ACP3: variants seen among roughly 807,000 people sequenced by gnomAD.
ACP3 encodes acid phosphatase 3.
Under a neutral mutation model 45.6 loss-of-function variants are expected in ACP3, and 38 were observed. The observed-to-expected ratio is 0.83, with a 90% confidence interval of 0.64 to 1.09. ACP3 has a LOEUF of 1.09. Ranked by LOEUF, ACP3 falls within the 50% of genes least tolerant of loss-of-function variation. ACP3 has a pLI of 0.00. For missense variants in ACP3, 466 were observed against 463.2 expected (o/e 1.01, Z -0.05); for synonymous variants, 162 against 164.7 (o/e 0.98, Z 0.13).
Position 132,358,420 on chromosome 3 carries a change from C to T in ACP3, c.*1542C>T. 4.7e-6 allele frequency: 6 copies of T among 1,268,046 alleles called. No individual in the cohort carries two copies. Among genetic ancestry groups the T allele is most frequent in the Non-Finnish European group, 5.1e-6 (5 of 976,266 alleles). The allele number at this position is 1,268,046 out of a possible 1,614,324, so 78.5% of individuals were successfully genotyped here. On this transcript the variant is annotated 3_prime_UTR_variant, in exon 10 of 10. Coordinates refer to ENST00000336375, the MANE Select transcript of ACP3 (RefSeq NM_001099.5). ...GAAAACCTAAGCAAACTTACAGGTC[C>T]TGCTGAAACTGCCCACTCTGCAAGA...
chr3:132,327,457 C>T (rs1258116678), intron 1 of ACP3, among the ~76,000 whole-genome samples: 6 of 150,100 alleles, frequency 4.0e-5, no homozygotes, highest in South Asian at 2.1e-4. Context: ...GAGGCTACAG[C>T]GAGCCAAGAT....
At chr3:132,335,561 G>A (rs1051502307) in intron 4 of ACP3, among the ~76,000 whole-genome samples, 7 of 152,154 alleles carry the variant, frequency 4.6e-5, no homozygotes, top group Non-Finnish European at 1.0e-4. Context: ...ATATTTTATA[G>A]GAAATAGATG....
At chr3:132,328,966 A>C (rs1037892226) in intron 2 of ACP3, among the ~76,000 whole-genome samples, 3 of 152,230 alleles carry the variant, frequency 2.0e-5, no homozygotes, top group African/African-American at 7.2e-5. Flanking sequence ...TGATATCAGA[A>C]TATGATTTCT....
At chr3:132,365,565 C>T (rs1938118258) in intron 10 of ACP3, among the ~76,000 whole-genome samples, 1 of 152,204 alleles carries the variant, frequency 6.6e-6, no homozygotes, top group Non-Finnish European at 1.5e-5. Flanking sequence ...TGTGGATCCT[C>T]ATAAACTATC....
In ACP3 at chr3:132,332,250, C is replaced by A; in HGVS notation, c.362C>A (p.Ala121Glu). The change falls in exon 4 of 10, where the codon GCA becomes GAA. Residue 121 changes from alanine to glutamate, a missense_variant. Physicochemically the swap from Ala to Glu is moderately radical, Grantham distance 107 (BLOSUM62 -1). Coordinates refer to ENST00000336375, the MANE Select transcript of ACP3 (RefSeq NM_001099.5). ...TTGATGAGTGCTATGACAAACCTGG[C>A]AGCCCTGTTTCCCCCAGAAGGTGTC... Reference protein sequence around the residue: ...RTLMSAMTNLAALFPPEGVSI... With the variant: ...RTLMSAMTNLEALFPPEGVSI... 1.9e-6 allele frequency: 3 copies of A among 1,614,140 alleles called. No individual in the cohort carries two copies. Among genetic ancestry groups the A allele is most frequent in the Non-Finnish European group, 2.5e-6 (3 of 1,180,008 alleles).
At chr3:132,331,875 A>C in intron 3 of ACP3, 142 bp downstream of exon 3, 1 of 840,862 alleles carries the variant, frequency 1.2e-6, no homozygotes, top group Admixed American at 3.1e-5. Flanking sequence ...TCTTTATGCA[A>C]ATTTTTGTTC....
chr3:132,330,761 T>C (rs1485180886), intron 2 of ACP3, among the ~76,000 whole-genome samples: 1 of 152,144 alleles, frequency 6.6e-6, no homozygotes, highest in Non-Finnish European at 1.5e-5. Context: ...CCCAAAGCTC[T>C]AGTAAGGCTC....
At chr3:132,341,271 T>C (rs61793794) in intron 5 of ACP3, among the ~76,000 whole-genome samples, 9,990 of 152,250 alleles carry the variant, frequency 0.066, 512 homozygotes, top group African/African-American at 0.065. Flanking sequence ...AAAATAGACA[T>C]ATTTTTATGA....
intron 4 of ACP3, among the ~76,000 whole-genome samples, chr3:132,334,288 C>A (rs1240252257): frequency 6.6e-6 from 1 of 152,118 alleles, no homozygotes; most frequent in African/African-American, 2.4e-5. Context: ...CTATGGCTTC[C>A]ATCTATCTGA....
At chr3:132,335,940 C>A (rs569832485) in intron 4 of ACP3, among the ~76,000 whole-genome samples, 17 of 144,842 alleles carry the variant, frequency 1.2e-4, no homozygotes, top group African/African-American at 4.9e-4. Context: ...ATGATCTGAT[C>A]GATACTTTAA....
At chr3:132,340,902 G>A (rs765309261) in intron 5 of ACP3, among the ~76,000 whole-genome samples, 1 of 152,004 alleles carries the variant, frequency 6.6e-6, no homozygotes, top group African/African-American at 2.4e-5. Flanking sequence ...AGTTCCAAAA[G>A]TATTTTTTAA....
intron 4 of ACP3, among the ~76,000 whole-genome samples, chr3:132,336,763 A>T (rs1179423098): frequency 1.3e-5 from 2 of 152,110 alleles, no homozygotes; most frequent in Non-Finnish European, 2.9e-5. Context: ...CAAATTAGTT[A>T]TTTCTACCAA....
In ACP3 at chr3:132,358,677, G is replaced by A. The variant is rs1033752519; in HGVS notation, c.*1799G>A. On this transcript the variant is annotated 3_prime_UTR_variant, in exon 10 of 10. Coordinates refer to ENST00000336375, the MANE Select transcript of ACP3 (RefSeq NM_001099.5). The stretch of plus-strand genomic sequence containing the variant: ...CTCCCAAGTAAATGTTTGTCCTTGG[G>A]TCCATTTTCTATGCTTGTAACTGTC... The A allele has an allele frequency of 4.9e-6, 5 of 1,025,590 alleles. No individual in the cohort carries two copies. The highest frequency in any genetic ancestry group is 3.5e-5 in the South Asian group (1 of 28,478). The allele number at this position is 1,025,590 out of a possible 1,614,324, so 63.5% of individuals were successfully genotyped here.
rs541613888 is a variant in ACP3, at chr3:132,320,852, C to T, written c.120+3276C>T. The stretch of plus-strand genomic sequence containing the variant: ...TTTTAATAGAGACTGGGTTTCACCA[C>T]GTTGGCCAGGCTGGTCTTGAACTCT... On this transcript the variant is annotated intron_variant, in intron 1 of 9. Coordinates refer to ENST00000336375, the MANE Select transcript of ACP3 (RefSeq NM_001099.5). Among the ~76,000 whole-genome samples, 12 of 152,060 alleles carry T rather than the reference C, an allele frequency of 7.9e-5. 1 individual carries two copies. The South Asian group carries it at 1.9e-3, about 24-fold the overall frequency.
At chr3:132,352,333 A>T (rs1937762430) in intron 8 of ACP3, among the ~76,000 whole-genome samples, 1 of 147,510 alleles carries the variant, frequency 6.8e-6, no homozygotes, top group Non-Finnish European at 1.5e-5. Flanking sequence ...AAGTAGCTGG[A>T]TTTACAGGCC....
chr3:132,336,303 G>A (rs1213998008), intron 4 of ACP3, among the ~76,000 whole-genome samples: 1 of 152,126 alleles, frequency 6.6e-6, no homozygotes, highest in Non-Finnish European at 1.5e-5. Context: ...TAACTGCTGT[G>A]TGGAGAATGA....
intron 7 of ACP3, among the ~76,000 whole-genome samples, chr3:132,348,059 T>C (rs960724923): frequency 2.6e-5 from 4 of 152,230 alleles, no homozygotes; most frequent in African/African-American, 9.6e-5. Context: ...CATTGTCTAT[T>C]GCTGCTTTCA....
intron 4 of ACP3, 30 bp downstream of exon 4, chr3:132,332,374 C>T: frequency 1.9e-6 from 3 of 1,613,338 alleles, no homozygotes; most frequent in Non-Finnish European, 2.5e-6. Flanking sequence ...CAGGAGATTT[C>T]AGATGGACCT....
At chr3:132,328,208 A>G in intron 1 of ACP3, 59 bp from the exon 2 acceptor site, 6 of 1,363,524 alleles carry the variant, frequency 4.4e-6, no homozygotes, top group Non-Finnish European at 6.2e-6. Flanking sequence ...TATTATAATG[A>G]GCAGAAGCAA....
Sources: gnomAD v4.1 joint callset for allele counts (sites outside exome capture counted in the v4.1 genomes callset) on GRCh38, gnomAD v4.1.1 for gene constraint, MANE v1.5 for transcripts, NCBI Gene and HGNC (gene_info 2026-07-23, HGNC 2026-07-21) for gene names.